The following IL13RA1 variants were observed in gnomAD, a reference collection of about 807,000 sequenced individuals.
IL13RA1 encodes interleukin 13 receptor subunit alpha 1, also known as interleukin-13 receptor subunit alpha-1.
A neutral mutation model predicts 33.8 loss-of-function variants in IL13RA1; 14 were observed. The observed-to-expected ratio is 0.41, with a 90% CI of 0.27 to 0.65. The LOEUF (loss-of-function observed/expected upper bound fraction) is 0.65, where lower values mean the gene tolerates loss of function less well. Among genes scored for constraint, IL13RA1 ranks in the 30% least tolerant of loss-of-function variants. IL13RA1 has a pLI of 0.28. For missense variants in IL13RA1, 313 were observed against 327.0 expected, an observed-to-expected ratio of 0.96 and a Z score of 0.33; for synonymous variants, 116 against 115.7, an observed-to-expected ratio of 1.00 and a Z score of -0.02.
chrX:118,754,494 A>G (rs1304243638), intron 4 of IL13RA1, among the ~76,000 whole-genome samples: 1 of 109,556 alleles, frequency 9.1e-6, no homozygotes, highest in African/African-American at 3.3e-5. Flanking sequence ...AAAAATAGCC[A>G]GGCGTGGTGG....
intron 6 of IL13RA1, among the ~76,000 whole-genome samples, chrX:118,763,758 A>G (rs935107711): frequency 8.9e-6 from 1 of 112,125 alleles, no homozygotes; most frequent in Non-Finnish European, 1.9e-5. Flanking sequence ...ACTTTGACCA[A>G]GAATACTTAG....
chrX:118,758,162 A>G lies in IL13RA1; in HGVS notation c.596A>G (p.Gln199Arg). Residue 199 changes from glutamine (Q) to arginine (R), a missense_variant, in exon 5 of 11, where the codon CAA becomes CGA. Gln to Arg is a conservative substitution (Grantham distance 43). Transcript: ENST00000371666. ...AAAGTGAAGGATTCCAGTTTTGAAC[A>G]ACACAGTGTCCAAATAATGGTCAAG... The part of the protein sequence containing the change: ...LTKVKDSSFE[Q>R]HSVQIMVKDN... 1 of 1,145,005 alleles carries G rather than the reference A, an allele frequency of 8.7e-7. No homozygotes were observed. Among genetic ancestry groups the G allele is most frequent in the Non-Finnish European group, 1.2e-6 (1 of 837,669 alleles). The allele number at this position is 1,145,005 out of a possible 1,213,427, so 94.4% of individuals were successfully genotyped here.
chrX:118,773,707 T>C (rs2017750782), intron 8 of IL13RA1, among the ~76,000 whole-genome samples, 172 bp from the exon 9 acceptor site: 1 of 111,576 alleles, frequency 9.0e-6, no homozygotes, highest in Non-Finnish European at 1.9e-5. Flanking sequence ...AGGACTTTTT[T>C]TTTTTAAACT....
At position 118,746,965 on chromosome X, in the gene IL13RA1, G is replaced by A. The variant is rs778115191; in HGVS notation, c.240G>A (p.Pro80=). 15 of 1,191,951 alleles carry A rather than the reference G, an allele frequency of 1.3e-5. No individual in the cohort carries two copies. Among genetic ancestry groups the A allele is most frequent in the South Asian group, 5.4e-5 (3 of 55,663 alleles). The part of the protein sequence containing the change: ...FGDKQDKKIA[P]ETRRSIEVPL... The stretch of plus-strand genomic sequence containing the variant: ...TTTTCTAACCTTAGAAAATAGCTCC[G>A]GAAACTCGTCGTTCAATAGAAGTAC... Residue 80 remains proline (P), a synonymous_variant, in exon 3 of 11, where the codon CCG becomes CCA. Transcript: ENST00000371666.
Position 118,727,666 on chromosome X carries a change from C to T in IL13RA1, c.28C>T (p.Leu10=), listed in dbSNP as rs555458472. 148 of 885,932 alleles carry T rather than the reference C, an allele frequency of 1.7e-4. 4 individuals are homozygous for T. The highest frequency in any genetic ancestry group is 1.3e-3 in the African/African-American group (62 of 47,407). The allele number at this position is 885,932 out of a possible 1,213,427, so 73.0% of individuals were successfully genotyped here. Residue 10 remains leucine, a synonymous_variant, in exon 1 of 11, where the codon CTG becomes TTG. Coordinates refer to ENST00000371666, the MANE Select transcript of IL13RA1 (RefSeq NM_001560.3). MEWPARLCG[L]WALLLCAGGG... is the part of the protein sequence containing the mutation. ...GGAGTGGCCGGCGCGGCTCTGCGGG[C>T]TGTGGGCGCTGCTGCTCTGCGCCGG... is the stretch of plus-strand genomic sequence containing the variant.
chrX:118,772,605 A>C (rs999315586), intron 8 of IL13RA1, among the ~76,000 whole-genome samples: 3 of 112,064 alleles, frequency 2.7e-5, no homozygotes, highest in East Asian at 2.8e-4. Context: ...TTAAAAAAAA[A>C]CCCTATGTGA....
chrX:118,731,154 CTT>C (rs1241485309), intron 1 of IL13RA1, among the ~76,000 whole-genome samples: 1 of 112,026 alleles, frequency 8.9e-6, no homozygotes, highest in Admixed American at 9.5e-5. Context: ...TTCCTACTCC[CTT>C]TTCTGAAGTC....
intron 1 of IL13RA1, among the ~76,000 whole-genome samples, chrX:118,737,760 A>G (rs191322096): frequency 8.9e-5 from 10 of 112,048 alleles, no homozygotes; most frequent in Non-Finnish European, 5.6e-5. Context: ...ATTGAAATGA[A>G]CCACAAATAG....
At chrX:118,758,275 A>G (rs1390296697) in intron 5 of IL13RA1, 33 bp downstream of exon 5, 1 of 603,085 alleles carries the variant, frequency 1.7e-6, no homozygotes, top group South Asian at 4.1e-5. Flanking sequence ...AACAGTATGG[A>G]TAAAAAGTGT....
At chrX:118,769,462 C>G (rs191216421) in intron 8 of IL13RA1, among the ~76,000 whole-genome samples, 7 of 112,080 alleles carry the variant, frequency 6.2e-5, no homozygotes, top group African/African-American at 2.3e-4. Flanking sequence ...GGAGATAATG[C>G]TATCATTATA....
At chrX:118,796,613 C>T (rs1022599032), downstream of IL13RA1, among the ~76,000 whole-genome samples, 53 of 111,833 alleles carry the variant, frequency 4.7e-4, 1 homozygote, top group African/African-American at 1.7e-3. Context: ...TCTCAGTTCA[C>T]CACAACCTCT....
chrX:118,797,932 C>T (rs753846711), downstream of IL13RA1, among the ~76,000 whole-genome samples: 70 of 111,887 alleles, frequency 6.3e-4, no homozygotes, highest in Non-Finnish European at 9.8e-4. Flanking sequence ...CCTTGTGAGA[C>T]CCTGAGCAGA....
chrX:118,803,924 C>G, the IL13RA1 span, among the ~76,000 whole-genome samples: 2 of 74,362 alleles, frequency 2.7e-5, no homozygotes, highest in African/African-American at 1.0e-4. Context: ...CTTCCTTCCT[C>G]TCTCTCTTTT....
chrX:118,802,438 C>T, the IL13RA1 span, among the ~76,000 whole-genome samples: 1 of 112,176 alleles, frequency 8.9e-6, no homozygotes. Context: ...CAGATGCTGG[C>T]TATAATTACT....
intron 9 of IL13RA1, 128 bp from the exon 10 acceptor site, chrX:118,776,299 T>C: frequency 2.6e-6 from 1 of 383,939 alleles, no homozygotes. Flanking sequence ...TCTTCACAAC[T>C]GCCTTGTCAA....
At position 118,761,225 on chromosome X, in the gene IL13RA1, G is replaced by A. The variant is rs752790140; in HGVS notation, c.764G>A (p.Ser255Asn). 4 of 991,012 alleles carry A rather than the reference G, an allele frequency of 4.0e-6. No homozygotes were observed. The highest frequency in any genetic ancestry group is 4.3e-6 in the Non-Finnish European group (3 of 701,376). 81.7% of individuals were successfully genotyped at this position (991,012 alleles called of 1,213,427 possible). ...VQWENPQNFISRCLFYEVEVN... is the reference protein window; with the variant it reads ...VQWENPQNFINRCLFYEVEVN... The stretch of plus-strand genomic sequence containing the variant: ...TGGGAGAATCCACAGAATTTTATTA[G>A]CAGATGCCTATTTTATGAAGTAGAA... The change falls in exon 6 of 11, where the codon AGC (serine) becomes AAC (asparagine). Residue 255 changes from serine to asparagine, a missense_variant. Physicochemically the swap from Ser to Asn is conservative, Grantham distance 46. Coordinates refer to ENST00000371666, the MANE Select transcript of IL13RA1 (RefSeq NM_001560.3).
intron 9 of IL13RA1, among the ~76,000 whole-genome samples, chrX:118,774,800 ATAAC>A (rs1013570000): frequency 2.7e-5 from 3 of 112,021 alleles, no homozygotes; most frequent in Non-Finnish European, 5.6e-5. Context: ...CTTGTAGTAA[ATAAC>A]TAAGGTTGAA....
the IL13RA1 span, among the ~76,000 whole-genome samples, chrX:118,801,817 T>A: frequency 8.9e-6 from 1 of 112,803 alleles, no homozygotes; most frequent in Non-Finnish European, 1.9e-5. Flanking sequence ...CTATAATATT[T>A]GCCTTCATTG....
downstream of IL13RA1, among the ~76,000 whole-genome samples, chrX:118,799,285 T>C (rs998748053): frequency 1.4e-4 from 16 of 112,925 alleles, no homozygotes; most frequent in African/African-American, 1.9e-4. Flanking sequence ...GGACGAGCAC[T>C]ACCCCCTGCT....
Sources: allele counts gnomAD v4.1 joint callset (sites outside exome capture counted in the v4.1 genomes callset), GRCh38; gene constraint gnomAD v4.1.1; transcripts MANE v1.5; gene names NCBI Gene and HGNC (gene_info 2026-07-23, HGNC 2026-07-21).